NOX4: variants seen among roughly 807,000 people sequenced by gnomAD.
The protein encoded by NOX4 is kidney oxidase-1.
Under a neutral mutation model 87.6 loss-of-function variants are expected in NOX4, and 69 were observed. The observed-to-expected ratio is 0.79, with a 90% CI of 0.65 to 0.96. The LOEUF (loss-of-function observed/expected upper bound fraction) is 0.96. Ranked by LOEUF, NOX4 falls within the 40% of genes least tolerant of loss-of-function variation. NOX4 has a pLI of 0.00. For synonymous variants in NOX4, 275 were observed against 238.2 expected (o/e 1.15, Z -1.42); for missense variants, 680 against 681.5 (o/e 1.00, Z 0.02).
intron 12 of NOX4, among the ~76,000 whole-genome samples, chr11:89,358,880 T>C (rs1938292255): frequency 6.6e-6 from 1 of 151,878 alleles, no homozygotes; most frequent in Non-Finnish European, 1.5e-5. Flanking sequence ...ATCCAAATAC[T>C]ACAGCTCAGT....
chr11:89,343,604 T>TA (rs1425554624), intron 13 of NOX4, among the ~76,000 whole-genome samples: 2 of 152,332 alleles, frequency 1.3e-5, no homozygotes, highest in Non-Finnish European at 2.9e-5. Context: ...CCACTTTTTT[T>TA]ACATATTTAA....
intron 12 of NOX4, among the ~76,000 whole-genome samples, chr11:89,364,631 C>T (rs1251487688): frequency 6.6e-6 from 1 of 151,950 alleles, no homozygotes; most frequent in Non-Finnish European, 1.5e-5. Flanking sequence ...TGAATAAGAA[C>T]ACTAATAGGA....
At chr11:89,373,381 A>G (rs746934700) in intron 12 of NOX4, 51 bp downstream of exon 12, 9 of 1,028,468 alleles carry the variant, frequency 8.8e-6, no homozygotes, top group Non-Finnish European at 1.4e-5. Context: ...TCAAATTATT[A>G]CATTCCACTA....
intron 6 of NOX4, among the ~76,000 whole-genome samples, chr11:89,435,573 C>G (rs564039551): frequency 9.9e-5 from 15 of 151,886 alleles, no homozygotes; most frequent in Admixed American, 6.6e-4. Flanking sequence ...ATTCAAGAAA[C>G]CTGATTAAAC....
At chr11:89,338,342 G>A (rs1283376972) in intron 15 of NOX4, among the ~76,000 whole-genome samples, 1 of 152,028 alleles carries the variant, frequency 6.6e-6, no homozygotes, top group Non-Finnish European at 1.5e-5. Context: ...TTTTAAGGCT[G>A]AATAGTTATG....
chr11:89,454,258 T>C (rs1945091402), intron 2 of NOX4, among the ~76,000 whole-genome samples: 1 of 152,260 alleles, frequency 6.6e-6, no homozygotes, highest in Middle Eastern at 3.4e-3. Flanking sequence ...GTTTTAATAT[T>C]ACCCTACATT....
the NOX4 span, among the ~76,000 whole-genome samples, chr11:89,543,448 A>G: frequency 1.1e-4 from 17 of 152,280 alleles, no homozygotes; most frequent in South Asian, 8.3e-4. Context: ...TTACAGATTT[A>G]ACATGGCTAC....
the NOX4 span, among the ~76,000 whole-genome samples, chr11:89,563,598 A>C: frequency 6.6e-6 from 1 of 152,220 alleles, no homozygotes; most frequent in Non-Finnish European, 1.5e-5. Flanking sequence ...CCCTGAACTC[A>C]TTAAATGAAA....
chr11:89,577,305 A>G, the NOX4 span: 1 of 152,186 alleles, frequency 6.6e-6, no homozygotes, highest in East Asian at 1.9e-4. Context: ...AGATAGATCT[A>G]GAAGATTAAG....
intron 15 of NOX4, 116 bp from the exon 16 acceptor site, chr11:89,337,631 A>G: frequency 7.2e-7 from 1 of 1,397,014 alleles, no homozygotes; most frequent in Non-Finnish European, 9.8e-7. Context: ...ATCATAGTCA[A>G]TATCTATAAG....
chr11:89,438,846 T>TAATATATTATATATTATATATATAA (rs373716565), intron 6 of NOX4, among the ~76,000 whole-genome samples: 7 of 25,396 alleles, frequency 2.8e-4, no homozygotes, highest in Non-Finnish European at 3.8e-4. Context: ...ATTATATATA[T>TAATATATTATATATTATATATATAA]TATATAATAT....
At chr11:89,554,980 C>T in the NOX4 span, among the ~76,000 whole-genome samples, 1 of 151,940 alleles carries the variant, frequency 6.6e-6, no homozygotes, top group African/African-American at 2.4e-5. Context: ...AACTAGTATA[C>T]TTTTAATGTA....
At chr11:89,393,586 A>C (rs1416073238) in intron 11 of NOX4, among the ~76,000 whole-genome samples, 2 of 152,196 alleles carry the variant, frequency 1.3e-5, no homozygotes, top group Admixed American at 1.3e-4. Flanking sequence ...CAGAAATGAA[A>C]GCAATAATCC....
chr11:89,416,172 T>C (rs557829636), intron 8 of NOX4, among the ~76,000 whole-genome samples: 1 of 152,156 alleles, frequency 6.6e-6, no homozygotes, highest in African/African-American at 2.4e-5. Context: ...TTCTCAAAAG[T>C]ATCTGGTTTG....
At chr11:89,574,159 A>C in the NOX4 span, among the ~76,000 whole-genome samples, 2 of 152,154 alleles carry the variant, frequency 1.3e-5, no homozygotes, top group Non-Finnish European at 2.9e-5. Context: ...TCAAACCATC[A>C]CTTGACATTG....
the NOX4 span, among the ~76,000 whole-genome samples, chr11:89,571,482 A>G: frequency 2.0e-5 from 3 of 152,046 alleles, no homozygotes; most frequent in South Asian, 4.1e-4. Flanking sequence ...TTTGTAGTAG[A>G]GACGGCATTT....
intron 3 of NOX4, among the ~76,000 whole-genome samples, chr11:89,450,877 T>C (rs1408184950): frequency 6.6e-6 from 1 of 151,568 alleles, no homozygotes; most frequent in African/African-American, 2.4e-5. Flanking sequence ...TGGAATACTA[T>C]GCAGCCATAA....
At chr11:89,333,477 G>A (rs1429036558) in intron 17 of NOX4, among the ~76,000 whole-genome samples, 5 of 151,474 alleles carry the variant, frequency 3.3e-5, no homozygotes, top group Non-Finnish European at 5.9e-5. Flanking sequence ...AATACATAAC[G>A]AAGAGTTACC....
At chr11:89,492,935 C>CA (rs1259499907), upstream of NOX4, among the ~76,000 whole-genome samples, 1 of 152,082 alleles carries the variant, frequency 6.6e-6, no homozygotes, top group Non-Finnish European at 1.5e-5. Flanking sequence ...TTCAGAACAG[C>CA]AAAAATAACA....
Sources: gnomAD v4.1 joint callset for allele counts (sites outside exome capture counted in the v4.1 genomes callset) on GRCh38, gnomAD v4.1.1 for gene constraint, MANE v1.5 for transcripts, NCBI Gene and HGNC (gene_info 2026-07-23, HGNC 2026-07-21) for gene names.